OPCML: variants seen among roughly 807,000 people sequenced by gnomAD.
The protein encoded by OPCML is opioid binding protein/cell adhesion molecule like, also known as opioid-binding protein/cell adhesion molecule.
A neutral mutation model predicts 37.8 loss-of-function variants in OPCML; 13 were observed. The ratio of observed to expected loss-of-function variants is 0.34; its 90% CI spans 0.22 to 0.55. The LOEUF is 0.55. Ranked by LOEUF, OPCML falls within the 20% of genes least tolerant of loss-of-function variation. The probability of loss-of-function intolerance (pLI) is 0.91; values close to 1 mark genes in which losing one functional copy is unlikely to be tolerated. For missense variants in OPCML, 341 were observed against 435.6 expected, an observed-to-expected ratio of 0.78 and a Z score of 1.93; for synonymous variants, 176 against 168.8, an observed-to-expected ratio of 1.04 and a Z score of -0.33.
At chr11:132,786,549 C>T (rs916839790) in intron 2 of OPCML, among the ~76,000 whole-genome samples, 6 of 152,134 alleles carry the variant, frequency 3.9e-5, no homozygotes, top group African/African-American at 1.2e-4. Context: ...GAGATAATAA[C>T]ATTTACTTTT....
At chr11:132,971,412 G>A (rs1277335872) in intron 1 of OPCML, among the ~76,000 whole-genome samples, 3 of 152,174 alleles carry the variant, frequency 2.0e-5, no homozygotes, top group Non-Finnish European at 2.9e-5. Flanking sequence ...TCAGGGACAT[G>A]CGCGAGTCTT....
intron 1 of OPCML, among the ~76,000 whole-genome samples, chr11:133,029,230 C>T (rs1947621596): frequency 6.6e-6 from 1 of 152,100 alleles, no homozygotes; most frequent in Non-Finnish European, 1.5e-5. Context: ...CAGATGTTGG[C>T]AAGGCTGCAG....
intron 3 of OPCML, among the ~76,000 whole-genome samples, chr11:132,638,389 T>G (rs1035936122): frequency 6.6e-6 from 1 of 152,058 alleles, no homozygotes; most frequent in African/African-American, 2.4e-5. Context: ...GAATTATATT[T>G]AGAATTTAGT....
At chr11:132,593,306 G>A (rs2096487504) in intron 3 of OPCML, among the ~76,000 whole-genome samples, 1 of 152,164 alleles carries the variant, frequency 6.6e-6, no homozygotes, top group Admixed American at 6.5e-5. Flanking sequence ...AGCAGTGGAA[G>A]GCGAAGTGGT....
In OPCML at chr11:133,388,719, G is replaced by T. The variant is rs1020057477; in HGVS notation, c.61+143545C>A. ...TGAATTCCATTGCCCCAGAACATGT[G>T]TCATTCTTACTCTCTGACTGAGAAT... On this transcript the variant is annotated intron_variant, in intron 1 of 7. Coordinates refer to ENST00000524381, the MANE Select transcript of OPCML (RefSeq NM_001012393.5). Among the ~76,000 whole-genome samples, 6 of 152,130 alleles carry T rather than the reference G, an allele frequency of 3.9e-5. No individual in the cohort carries two copies. In the South Asian group the frequency reaches 1.2e-3, roughly 32 times the overall value.
chr11:132,640,298 C>A (rs7130388), intron 3 of OPCML, among the ~76,000 whole-genome samples: 73,029 of 151,404 alleles, frequency 0.48, 17,682 homozygotes, highest in Middle Eastern at 0.55. Flanking sequence ...AGGATGGAAG[C>A]AAAAATTAGG....
intron 2 of OPCML, among the ~76,000 whole-genome samples, chr11:132,754,025 C>G (rs1352626309): frequency 1.3e-5 from 2 of 152,180 alleles, no homozygotes; most frequent in Non-Finnish European, 2.9e-5. Context: ...ATTCAACCAG[C>G]AGGCATCCAT....
chr11:132,697,206 A>G (rs995070848), intron 2 of OPCML, among the ~76,000 whole-genome samples: 13 of 152,240 alleles, frequency 8.5e-5, no homozygotes, highest in African/African-American at 3.1e-4. Flanking sequence ...ATATATGTAT[A>G]CATTATGAAA....
chr11:132,552,997 C>T (rs933210159), intron 3 of OPCML, among the ~76,000 whole-genome samples: 8 of 152,072 alleles, frequency 5.3e-5, no homozygotes, highest in Non-Finnish European at 1.2e-4. Flanking sequence ...ATCTCCTGAC[C>T]TCGTGATCCA....
intron 1 of OPCML, among the ~76,000 whole-genome samples, chr11:133,071,596 C>T (rs1203573025): frequency 1.3e-5 from 2 of 152,120 alleles, no homozygotes; most frequent in Non-Finnish European, 2.9e-5. Flanking sequence ...ATGATGTGGG[C>T]AAGTCACTCC....
chr11:132,541,776 C>T (rs948509099), intron 3 of OPCML, among the ~76,000 whole-genome samples: 1 of 152,184 alleles, frequency 6.6e-6, no homozygotes, highest in Non-Finnish European at 1.5e-5. Context: ...AAGGTTTCAG[C>T]TACAGCCAGC....
chr11:133,371,187 G>T (rs1385462151), intron 1 of OPCML, among the ~76,000 whole-genome samples: 1 of 152,182 alleles, frequency 6.6e-6, no homozygotes, highest in Non-Finnish European at 1.5e-5. Flanking sequence ...GCAGAGTAAA[G>T]GAGGCTTTTG....
At chr11:132,790,698 C>T (rs1937848055) in intron 2 of OPCML, among the ~76,000 whole-genome samples, 2 of 152,154 alleles carry the variant, frequency 1.3e-5, no homozygotes, top group Admixed American at 6.5e-5. Context: ...CCTGCTGTAG[C>T]GGCAGATGCT....
rs147023395 is a variant in OPCML, at chr11:133,489,141, A to T, written c.61+43123T>A. Among the ~76,000 whole-genome samples the T allele has an allele frequency of 2.3e-3, 345 of 152,198 alleles. 1 individual carries two copies. The highest frequency in any genetic ancestry group is 6.8e-3 in the Middle Eastern group (2 of 294). On this transcript the variant is annotated intron_variant, in intron 1 of 7. Transcript: ENST00000524381. ...TAAAAATCCTAGAAGAAAGCCTAAG[A>T]AAAACTTTTCTGGACATTGGCCTAG... is the stretch of plus-strand genomic sequence containing the variant.
At chr11:133,440,733 A>G (rs1194342600) in intron 1 of OPCML, among the ~76,000 whole-genome samples, 4 of 144,170 alleles carry the variant, frequency 2.8e-5, no homozygotes, top group African/African-American at 8.2e-5. Flanking sequence ...TCTCAGGGAA[A>G]AAAAAAAAAA....
At chr11:133,359,392 TG>T (rs1179884450) in intron 1 of OPCML, among the ~76,000 whole-genome samples, 1 of 152,204 alleles carries the variant, frequency 6.6e-6, no homozygotes, top group Admixed American at 6.5e-5. Context: ...GATGTTGTCT[TG>T]GAAGTGAAAA....
At chr11:132,717,939 C>T (rs1343971483) in intron 2 of OPCML, among the ~76,000 whole-genome samples, 1 of 152,182 alleles carries the variant, frequency 6.6e-6, no homozygotes, top group Non-Finnish European at 1.5e-5. Flanking sequence ...GGTAGATGGC[C>T]CTGCAACCAT....
At chr11:132,708,819 A>G (rs1944141596) in intron 2 of OPCML, among the ~76,000 whole-genome samples, 1 of 152,232 alleles carries the variant, frequency 6.6e-6, no homozygotes, top group Non-Finnish European at 1.5e-5. Flanking sequence ...TTACACATAC[A>G]TTATGGCTAC....
At chr11:132,641,841 C>G (rs1451703453) in intron 3 of OPCML, among the ~76,000 whole-genome samples, 1 of 152,160 alleles carries the variant, frequency 6.6e-6, no homozygotes, top group African/African-American at 2.4e-5. Flanking sequence ...TTTGCCTTCT[C>G]CAATTCTGTG....
Sources: gnomAD v4.1 joint callset for allele counts (sites outside exome capture counted in the v4.1 genomes callset) on GRCh38, gnomAD v4.1.1 for gene constraint, MANE v1.5 for transcripts, NCBI Gene and HGNC (gene_info 2026-07-23, HGNC 2026-07-21) for gene names.